The following SGSM2 variants were observed in gnomAD, a reference collection of about 807,000 sequenced individuals.
The protein encoded by SGSM2 is RUN and TBC1 domain containing 1.
In SGSM2, 89 loss-of-function variants were observed where a neutral mutation model predicts 126.6. The observed-to-expected ratio is 0.70, with a 90% CI of 0.59 to 0.84. The LOEUF (loss-of-function observed/expected upper bound fraction) is 0.84, where lower values mean the gene tolerates loss of function less well. SGSM2 is among the 40% of genes least tolerant of loss of function. The pLI is 0.00. For synonymous variants in SGSM2, 614 were observed against 574.3 expected (o/e 1.07, Z -0.99); for missense variants, 1,404 against 1,416.6 (o/e 0.99, Z 0.14).
chr17:2,375,641 A>G lies in SGSM2; in HGVS notation c.2250A>G (p.Ser750=). Residue 750 remains serine, a synonymous_variant, in exon 18 of 24, where the codon TCA becomes TCG. Coordinates refer to ENST00000268989, the MANE Select transcript of SGSM2 (RefSeq NM_014853.3). ...QHSVEFDSPD[S]GLPSSRNYSV... ...CCGTGGAGTTCGACTCTCCAGACTC[A>G]GGACTGCCCTCCTCTCGCAATTACT... is the stretch of plus-strand genomic sequence containing the variant. 3.7e-6 allele frequency: 6 copies of G among 1,614,004 alleles called. No homozygotes were observed. Among genetic ancestry groups the G allele is most frequent in the Non-Finnish European group, 5.1e-6 (6 of 1,180,010 alleles).
chr17:2,346,138 C>T (rs957176272), intron 2 of SGSM2, among the ~76,000 whole-genome samples: 10 of 152,170 alleles, frequency 6.6e-5, no homozygotes, highest in African/African-American at 2.4e-4. Context: ...TGCTACTGTC[C>T]TAGCCACGTC....
In SGSM2 at chr17:2,372,118, C is replaced by T; in HGVS notation, c.1578-72C>T. On this transcript the variant is annotated intron_variant, in intron 13 of 23. Transcript: ENST00000268989. This position sits in a 1 kb window ranked among gnomAD's most constrained non-coding sequence, Gnocchi z 6.0. ...CCTTACCTGCCCCCCAGGACAGAGC[C>T]TCCTCCCTTCTCTCTCTCCTCCCAC... The T allele has an allele frequency of 1.3e-6, 2 of 1,564,140 alleles. No homozygotes were observed. The highest frequency in any genetic ancestry group is 1.8e-6 in the Non-Finnish European group (2 of 1,139,332).
chr17:2,347,993 G>A (rs2064678094), intron 2 of SGSM2, among the ~76,000 whole-genome samples: 1 of 152,178 alleles, frequency 6.6e-6, no homozygotes, highest in South Asian at 2.1e-4. Flanking sequence ...GCCCTGCTGT[G>A]TGCAAGTGGG....
chr17:2,338,351 G>A (rs1260475646), intron 1 of SGSM2, among the ~76,000 whole-genome samples: 2 of 150,760 alleles, frequency 1.3e-5, no homozygotes, highest in Non-Finnish European at 2.9e-5. Context: ...CCCTTTTGAG[G>A]GAAGCCCCCC....
At position 2,367,197 on chromosome 17, in the gene SGSM2, C is replaced by G; in HGVS notation, c.1289-74C>G. On this transcript the variant is annotated intron_variant, in intron 11 of 23. Transcript: ENST00000268989. This position sits in a 1 kb window ranked among gnomAD's most constrained non-coding sequence, Gnocchi z 4.0. ...ATGACCCCGGCCTCCATTCCACTCC[C>G]CTTAAGGAGGGAGTCCGTCCTGCCC... is the stretch of plus-strand genomic sequence containing the variant. 1 of 1,510,666 alleles carries G rather than the reference C, an allele frequency of 6.6e-7. No homozygotes were observed. Among genetic ancestry groups the G allele is most frequent in the Non-Finnish European group, 8.9e-7 (1 of 1,123,244 alleles). The allele number at this position is 1,510,666 out of a possible 1,614,324, so 93.6% of individuals were successfully genotyped here.
chr17:2,374,749 C>G (rs575209660), intron 17 of SGSM2, among the ~76,000 whole-genome samples: 1 of 152,358 alleles, frequency 6.6e-6, no homozygotes, highest in South Asian at 2.1e-4. Flanking sequence ...ACAGCAGTAG[C>G]TCCTCGCTGG....
Position 2,337,822 on chromosome 17 carries a change from C to T in SGSM2, c.57+77C>T. On this transcript the variant is annotated intron_variant, in intron 1 of 23. Transcript: ENST00000268989. The surrounding 1 kb of genome is among the most constrained non-coding windows in gnomAD (Gnocchi z 5.1). Reference sequence around the variant, plus strand: ...CAGGGGGCAGAAAGGTCCGCGCCCACCCCCCGGCGCGGGCACCCGGGCCGA... The same window carrying T: ...CAGGGGGCAGAAAGGTCCGCGCCCATCCCCCGGCGCGGGCACCCGGGCCGA... 1.8e-6 allele frequency: 2 copies of T among 1,142,640 alleles called. No homozygotes were observed. Among genetic ancestry groups the T allele is most frequent in the South Asian group, 1.9e-5 (1 of 52,996 alleles). 70.8% of individuals were successfully genotyped at this position (1,142,640 alleles called of 1,614,324 possible). A position where few individuals can be genotyped will look rare whatever the true frequency, so the allele number is the denominator to read the frequency against.
Position 2,372,196 on chromosome 17 carries a change from G to A in SGSM2, c.1584G>A (p.Pro528=), listed in dbSNP as rs143823537. ...SHCSCIPDRL[P]LRLLCESMKR... is the part of the protein sequence containing the mutation. ...AGCCCGGTTGTTGCCACAGGTTGCC[G>A]CTCAGGCTACTGTGTGAGAGTATGA... Residue 528 remains proline (P), a synonymous_variant, in exon 14 of 24, where the codon CCG becomes CCA. Transcript: ENST00000268989. The surrounding 1 kb of genome is among the most constrained non-coding windows in gnomAD (Gnocchi z 6.0). 1.6e-4 allele frequency: 251 copies of A among 1,613,160 alleles called. No individual in the cohort carries two copies. The highest frequency in any genetic ancestry group is 2.0e-4 in the Non-Finnish European group (231 of 1,179,792).
At chr17:2,349,964 T>G (rs574140771) in intron 2 of SGSM2, among the ~76,000 whole-genome samples, 1 of 152,156 alleles carries the variant, frequency 6.6e-6, no homozygotes, top group Admixed American at 6.5e-5. Flanking sequence ...ATTTTTTGTA[T>G]TTTTAGTAGA....
rs773825102 is a variant in SGSM2, at chr17:2,373,411, G to A, written c.1998G>A (p.Glu666=). The part of the protein sequence containing the change: ...KACEVVVRQR[E]REAHPATRTK... ...GCGAGGTGGTGGTGAGGCAGCGGGA[G>A]CGGGAGGCCCACCCAGCCACACGCA... Residue 666 remains glutamate, a synonymous_variant, in exon 17 of 24, where the codon GAG becomes GAA. Coordinates refer to ENST00000268989, the MANE Select transcript of SGSM2 (RefSeq NM_014853.3). 3 of 1,612,326 alleles carry A rather than the reference G, an allele frequency of 1.9e-6. No individual in the cohort carries two copies. The highest frequency in any genetic ancestry group is 1.1e-5 in the South Asian group (1 of 91,080).
At position 2,344,777 on chromosome 17, in the gene SGSM2, A is replaced by G. The variant is rs2151482338; in HGVS notation, c.133+1157A>G. On this transcript the variant is annotated intron_variant, in intron 2 of 23. Transcript: ENST00000268989. ...GTCTGAGTGACAGACTGGGGTTTGA[A>G]TCCTGGCGTCCTGCCTTTTAAGTCG... Among the ~76,000 whole-genome samples, 3 of 152,302 alleles carry G rather than the reference A, an allele frequency of 2.0e-5. No homozygotes were observed. The Middle Eastern group carries it at 0.01, about 518-fold the overall frequency.
intron 20 of SGSM2, 71 bp from the exon 21 acceptor site, chr17:2,376,888 G>A (rs1485336902): frequency 3.6e-5 from 57 of 1,602,456 alleles, no homozygotes; most frequent in Non-Finnish European, 4.5e-5. Context: ...AGGTCTGGAG[G>A]GGTGGGAATG....
In SGSM2 at chr17:2,372,273, G is replaced by A. The variant is rs572387179; in HGVS notation, c.1642+19G>A. The A allele has an allele frequency of 3.0e-5, 48 of 1,612,194 alleles. No individual in the cohort carries two copies. The Admixed American group carries it at 4.5e-4, about 15-fold the overall frequency. On this transcript the variant is annotated intron_variant, in intron 14 of 23. Transcript: ENST00000268989. The surrounding 1 kb of genome is among the most constrained non-coding windows in gnomAD (Gnocchi z 6.0). ...TACGGCTGTGAGTGTGGGGCGCGCC[G>A]GGCTGTGGCGGGCTGGGGGCGGGCG...
At chr17:2,360,904 A>T (rs1001184993) in intron 2 of SGSM2, among the ~76,000 whole-genome samples, 1 of 151,834 alleles carries the variant, frequency 6.6e-6, no homozygotes. Flanking sequence ...TTCCCTCCTC[A>T]CCTGTAAAAC....
rs769705689 is a variant in SGSM2 at position 2,375,723 on chromosome 17, G to T, written c.2332G>T (p.Glu778Ter). ...TGAGGGGCAGAGCGTGGGCTTCGAA[G>T]AGGAGGACGGCGGTGGGGAGGAAGG... is the stretch of plus-strand genomic sequence containing the variant. ...LDEGQSVGFEEEDGGGEEGSS... is the reference protein window; with the variant it reads ...LDEGQSVGFE Residue 778 changes from glutamate to a stop codon, truncating the protein, a stop_gained, in exon 18 of 24, where the codon GAG becomes TAG. Transcript: ENST00000268989. LOFTEE classifies it high-confidence loss of function. 1 of 1,610,560 alleles carries T rather than the reference G, an allele frequency of 6.2e-7. No homozygotes were observed. The highest frequency in any genetic ancestry group is 8.5e-7 in the Non-Finnish European group (1 of 1,177,546).
intron 2 of SGSM2, among the ~76,000 whole-genome samples, chr17:2,360,488 G>T (rs2065264153): frequency 6.6e-6 from 1 of 152,196 alleles, no homozygotes; most frequent in South Asian, 2.1e-4. Context: ...GCTCTTAGAG[G>T]CTAGCTGTAG....
rs1393867386 is a variant in SGSM2, at chr17:2,377,065, C to G, written c.2799C>G (p.Ile933Met). ...ACTTTGCCAACATGCGCTCCCTCAT[C>G]CAGGTGAGGCCGGTTGCCACCCATG... The part of the protein sequence containing the change: ...DTHFANMRSL[I>M]QILDSELFEL... Residue 933 changes from isoleucine to methionine, a missense_variant, in exon 21 of 24, where the codon ATC (isoleucine) becomes ATG (methionine). By Grantham distance (10) the Ile-to-Met change is conservative. Transcript: ENST00000268989. 6.2e-7 allele frequency: 1 copy of G among 1,607,890 alleles called. No homozygotes were observed. The highest frequency in any genetic ancestry group is 8.5e-7 in the Non-Finnish European group (1 of 1,175,894).
At chr17:2,340,759 T>C (rs2064322119) in intron 1 of SGSM2, among the ~76,000 whole-genome samples, 1 of 151,764 alleles carries the variant, frequency 6.6e-6, no homozygotes, top group African/African-American at 2.4e-5. Context: ...TAATTTTTTG[T>C]ATTTTTAGTA....
rs554704619 is a variant in SGSM2, at chr17:2,339,165, C to G, written c.57+1420C>G. 9.2e-5 allele frequency among the ~76,000 whole-genome samples: 14 copies of G among 152,186 alleles called. No individual in the cohort carries two copies. In the East Asian group the frequency reaches 2.3e-3, roughly 25 times the overall value. Reference sequence around the variant, plus strand: ...GAAAGTGGACAGGCGCGGTGGCTTACGCCTGTAATCCCAGCACTTTGGGAG... The same window carrying G: ...GAAAGTGGACAGGCGCGGTGGCTTAGGCCTGTAATCCCAGCACTTTGGGAG... On this transcript the variant is annotated intron_variant, in intron 1 of 23. Transcript: ENST00000268989.
Sources: allele counts gnomAD v4.1 joint callset (sites outside exome capture counted in the v4.1 genomes callset), GRCh38; gene constraint gnomAD v4.1.1; non-coding constraint Gnocchi (gnomAD v3.1); transcripts MANE v1.5; gene names NCBI Gene and HGNC (gene_info 2026-07-23, HGNC 2026-07-21).